Variants in ADGRV1 observed in about 807,000 individuals in gnomAD.
The protein encoded by ADGRV1 is G-protein coupled receptor 98.
In ADGRV1, 359 loss-of-function variants were observed where a neutral mutation model predicts 596.2. The ratio of observed to expected loss-of-function variants is 0.60; its 90% CI spans 0.55 to 0.66. The LOEUF is 0.66. Ranked by LOEUF, ADGRV1 falls within the 30% of genes least tolerant of loss-of-function variation. The pLI, the probability that ADGRV1 is intolerant of heterozygous loss-of-function variation, is 0.00. For synonymous variants in ADGRV1, 2,681 were observed against 2,679.2 expected, an observed-to-expected ratio of 1.00 and a Z score of -0.02; for missense variants, 7,274 against 7,575.6, an observed-to-expected ratio of 0.96 and a Z score of 1.48.
At chr5:91,013,456 A>G (rs1015182793) in intron 85 of ADGRV1, among the ~76,000 whole-genome samples, 1 of 152,098 alleles carries the variant, frequency 6.6e-6, no homozygotes, top group Non-Finnish European at 1.5e-5. Context: ...CATTTCTCTA[A>G]TGATCAGTGA....
At chr5:90,595,866 G>C (rs1291926547) in intron 1 of ADGRV1, among the ~76,000 whole-genome samples, 3 of 151,054 alleles carry the variant, frequency 2.0e-5, no homozygotes, top group Non-Finnish European at 4.4e-5. Flanking sequence ...TCCCGGACGG[G>C]GCGGCTGGCC....
At chr5:90,628,215 G>A (rs564827774) in intron 7 of ADGRV1, among the ~76,000 whole-genome samples, 253 of 47,720 alleles carry the variant, frequency 5.3e-3, no homozygotes, top group African/African-American at 0.033. Flanking sequence ...GTGAGACCCC[G>A]CCCACAAAAT....
intron 83 of ADGRV1, among the ~76,000 whole-genome samples, chr5:90,878,082 G>A (rs147722824): frequency 2.9e-3 from 441 of 152,288 alleles, no homozygotes; most frequent in African/African-American, 0.01. Context: ...AAGATTCAGC[G>A]TGTGTAACTC....
rs1255272354 is a variant in ADGRV1 at position 90,778,842 on chromosome 5, A to C, written c.12850-23A>C. ...CTGGTAGATTAAACATCCAAATCAA[A>C]TAAGAAAATGCATTTTGCATAGGTT... On this transcript the variant is annotated intron_variant, in intron 63 of 89. Transcript: ENST00000405460. The C allele has an allele frequency of 2.5e-6, 4 of 1,577,050 alleles. No individual in the cohort carries two copies. In the East Asian group the frequency reaches 6.7e-5, roughly 27 times the overall value.
At chr5:91,101,257 G>C (rs1438963552) in intron 86 of ADGRV1, among the ~76,000 whole-genome samples, 1 of 152,180 alleles carries the variant, frequency 6.6e-6, no homozygotes, top group Non-Finnish European at 1.5e-5. Flanking sequence ...CTGTATGTTT[G>C]AGATTGTTTC....
At chr5:91,087,812 A>C (rs1790025466) in intron 86 of ADGRV1, among the ~76,000 whole-genome samples, 1 of 152,212 alleles carries the variant, frequency 6.6e-6, no homozygotes, top group Non-Finnish European at 1.5e-5. Flanking sequence ...GCCTCAGAGC[A>C]GTTAAGTAAC....
At chr5:90,880,009 A>G (rs186292552) in intron 83 of ADGRV1, among the ~76,000 whole-genome samples, 4 of 152,104 alleles carry the variant, frequency 2.6e-5, no homozygotes, top group Non-Finnish European at 5.9e-5. Context: ...TTAGATTTCT[A>G]TTTTTTTCCT....
At chr5:90,972,801 C>G (rs1448076289) in intron 84 of ADGRV1, among the ~76,000 whole-genome samples, 1 of 151,954 alleles carries the variant, frequency 6.6e-6, no homozygotes, top group African/African-American at 2.4e-5. Context: ...ACTAGAGAAG[C>G]AAGAGCAAAC....
At chr5:90,818,844 A>G (rs1196492177) in intron 75 of ADGRV1, among the ~76,000 whole-genome samples, 1 of 149,648 alleles carries the variant, frequency 6.7e-6, no homozygotes, top group African/African-American at 2.4e-5. Context: ...TTTTTGCATC[A>G]ATGTTCATCA....
At position 91,140,232 on chromosome 5, in the gene ADGRV1, C is replaced by T. The variant is rs573164334; in HGVS notation, c.18433-9798C>T. 3.8e-4 allele frequency among the ~76,000 whole-genome samples: 58 copies of T among 152,262 alleles called. No homozygotes were observed. In the South Asian group the frequency reaches 0.011, roughly 30 times the overall value. On this transcript the variant is annotated intron_variant, in intron 87 of 89. Transcript: ENST00000405460. ...AATTTAGCTTCTACAGCAAAGTGATCCCTTCTCCTCCCTTATTATTATTGG... is the reference window on the plus strand; with the variant it reads ...AATTTAGCTTCTACAGCAAAGTGATTCCTTCTCCTCCCTTATTATTATTGG...
intron 85 of ADGRV1, among the ~76,000 whole-genome samples, chr5:91,007,575 T>TTTTC (rs1408968776): frequency 6.6e-6 from 1 of 152,164 alleles, no homozygotes; most frequent in Non-Finnish European, 1.5e-5. Context: ...TAATATTGAT[T>TTTTC]TTTCTCTCAT....
At chr5:90,629,673 A>G in intron 9 of ADGRV1, 134 bp downstream of exon 9, 1 of 654,180 alleles carries the variant, frequency 1.5e-6, no homozygotes. Context: ...AAAGTTGTTT[A>G]GGTAGTCGGA....
In ADGRV1 at chr5:90,659,618, T is replaced by C. The variant is rs188523437; in HGVS notation, c.4752+1340T>C. ...CCACTTGTCAAATTTTGGATTTTGG[T>C]ATAATGTCAAGGAAAAATACCCATA... On this transcript the variant is annotated intron_variant, in intron 21 of 89. Coordinates refer to ENST00000405460, the MANE Select transcript of ADGRV1 (RefSeq NM_032119.4). 2.7e-3 allele frequency among the ~76,000 whole-genome samples: 416 copies of C among 152,320 alleles called. 4 individuals carry two copies. The highest frequency in any genetic ancestry group is 0.016 in the South Asian group (78 of 4,830).
chr5:91,024,023 G>T (rs1416889808), intron 85 of ADGRV1, among the ~76,000 whole-genome samples: 1 of 152,036 alleles, frequency 6.6e-6, no homozygotes, highest in Non-Finnish European at 1.5e-5. Flanking sequence ...TAATTCATAG[G>T]CCCAATCCTA....
rs189068749 is a variant in ADGRV1 at position 90,910,701 on chromosome 5, G to A, written c.17856+46844G>A. Among the ~76,000 whole-genome samples, 49 of 151,726 alleles carry A rather than the reference G, an allele frequency of 3.2e-4. No individual in the cohort carries two copies. In the East Asian group the frequency reaches 5.8e-3, roughly 18 times the overall value. ...GGCACATGATCAAAAAGTTTTCAGG[G>A]GATTATTCTGTGGTCATCTGATTGG... On this transcript the variant is annotated intron_variant, in intron 83 of 89. Coordinates refer to ENST00000405460, the MANE Select transcript of ADGRV1 (RefSeq NM_032119.4).
At chr5:90,641,702 C>A (rs1766992390) in intron 11 of ADGRV1, among the ~76,000 whole-genome samples, 1 of 152,114 alleles carries the variant, frequency 6.6e-6, no homozygotes, top group Non-Finnish European at 1.5e-5. Flanking sequence ...CATATTTCTA[C>A]ATATGAATTG....
chr5:90,785,394 A>C (rs1759321240), intron 67 of ADGRV1, among the ~76,000 whole-genome samples: 1 of 152,244 alleles, frequency 6.6e-6, no homozygotes, highest in Non-Finnish European at 1.5e-5. Flanking sequence ...CAAAAGCCAA[A>C]ATTGACAAAT....
intron 2 of ADGRV1, among the ~76,000 whole-genome samples, chr5:90,616,567 C>A (rs1192485342): frequency 6.6e-6 from 1 of 151,938 alleles, no homozygotes; most frequent in African/African-American, 2.4e-5. Flanking sequence ...TCTTTCTTTT[C>A]CTTTTCTCTT....
At chr5:90,757,251 T>G (rs1238741288) in intron 57 of ADGRV1, 90 bp downstream of exon 57, 2 of 941,730 alleles carry the variant, frequency 2.1e-6, no homozygotes, top group Non-Finnish European at 3.4e-6. Context: ...TGGTGATTGC[T>G]AAATGCATTA....
Sources: allele counts gnomAD v4.1 joint callset (sites outside exome capture counted in the v4.1 genomes callset), GRCh38; gene constraint gnomAD v4.1.1; transcripts MANE v1.5; gene names NCBI Gene and HGNC (gene_info 2026-07-23, HGNC 2026-07-21).